CEP170: variants seen among roughly 807,000 people sequenced by gnomAD.
CEP170 encodes centrosomal protein 170, also known as centrosomal protein of 170 kDa.
A neutral mutation model predicts 151.9 loss-of-function variants in CEP170; 21 were observed. The ratio of observed to expected loss-of-function variants is 0.14; its 90% confidence interval spans 0.10 to 0.20. The LOEUF (loss-of-function observed/expected upper bound fraction) is 0.20. Ranked by LOEUF, CEP170 falls within the 10% of genes least tolerant of loss-of-function variation. The pLI, the probability that CEP170 is intolerant of heterozygous loss-of-function variation, is 1.00. For synonymous variants in CEP170, 356 were observed against 648.8 expected, an observed-to-expected ratio of 0.55 and a Z score of 6.86; for missense variants, 964 against 1,892.9, an observed-to-expected ratio of 0.51 and a Z score of 9.11.
chr1:243,135,321 C>G (rs961902263), intron 17 of CEP170, among the ~76,000 whole-genome samples: 1 of 152,110 alleles, frequency 6.6e-6, no homozygotes, highest in Non-Finnish European at 1.5e-5. Context: ...ATTCTCCTGC[C>G]TCAGCCTCCC....
intron 1 of CEP170, among the ~76,000 whole-genome samples, chr1:243,244,991 T>C (rs1376849899): frequency 6.6e-6 from 1 of 152,076 alleles, no homozygotes; most frequent in Non-Finnish European, 1.5e-5. Flanking sequence ...TGGGTAAAAA[T>C]AACAAATTTA....
chr1:243,209,968 C>T (rs1429252448), intron 4 of CEP170, among the ~76,000 whole-genome samples: 2 of 152,214 alleles, frequency 1.3e-5, no homozygotes, highest in African/African-American at 2.4e-5. Flanking sequence ...GCTGGGATTA[C>T]AGGCATGAGC....
At chr1:243,146,253 G>A (rs1229429777) in intron 14 of CEP170, among the ~76,000 whole-genome samples, 3 of 152,064 alleles carry the variant, frequency 2.0e-5, no homozygotes, top group Admixed American at 6.6e-5. Context: ...TATGGTCAGC[G>A]ATTCATAAAA....
intron 1 of CEP170, among the ~76,000 whole-genome samples, chr1:243,251,410 A>G (rs3904685): frequency 0.31 from 47,909 of 152,128 alleles, 7,895 homozygotes; most frequent in South Asian, 0.54. Context: ...CAAAGGTTCA[A>G]TTATAGGCCC....
At chr1:243,248,642 G>A (rs1008953819) in intron 1 of CEP170, among the ~76,000 whole-genome samples, 3 of 152,046 alleles carry the variant, frequency 2.0e-5, no homozygotes, top group East Asian at 1.9e-4. Flanking sequence ...CACTACTGTC[G>A]CTCTAGTCTA....
At chr1:243,178,935 G>A (rs2059440040) in intron 10 of CEP170, among the ~76,000 whole-genome samples, 2 of 152,112 alleles carry the variant, frequency 1.3e-5, no homozygotes, top group East Asian at 1.9e-4. Flanking sequence ...AGCCAGGATG[G>A]TGTCAATCTC....
In CEP170 at chr1:243,185,447, T is replaced by C. The variant is rs2059883201; in HGVS notation, c.1566+332A>G. On this transcript the variant is annotated intron_variant, in intron 10 of 19. Coordinates refer to ENST00000366542, the MANE Select transcript of CEP170 (RefSeq NM_014812.3). This position sits in a 1 kb window ranked among gnomAD's most constrained non-coding sequence, Gnocchi z 4.9. Reference sequence around the variant, plus strand: ...CAGAGTTATAGCAATGTTTGTTGGTTGTTTCTTTTTATTTTTTAAGCAAAT... The same window carrying C: ...CAGAGTTATAGCAATGTTTGTTGGTCGTTTCTTTTTATTTTTTAAGCAAAT... 6.6e-6 allele frequency among the ~76,000 whole-genome samples: 1 copy of C among 152,220 alleles called. No homozygotes were observed. The highest frequency in any genetic ancestry group is 1.5e-5 in the Non-Finnish European group (1 of 68,026).
At chr1:243,202,302 G>A (rs2061097569) in intron 4 of CEP170, among the ~76,000 whole-genome samples, 1 of 152,196 alleles carries the variant, frequency 6.6e-6, no homozygotes, top group Admixed American at 6.5e-5. Flanking sequence ...AATCAGAAGT[G>A]GGGAAGCCGG....
At chr1:243,133,534 C>A (rs1325826432) in intron 17 of CEP170, among the ~76,000 whole-genome samples, 2 of 151,984 alleles carry the variant, frequency 1.3e-5, no homozygotes, top group Non-Finnish European at 2.9e-5. Context: ...AATGCTTGAG[C>A]CAAATCATGA....
intron 14 of CEP170, among the ~76,000 whole-genome samples, chr1:243,143,301 T>G (rs2056092644): frequency 6.6e-6 from 1 of 152,172 alleles, no homozygotes; most frequent in Non-Finnish European, 1.5e-5. Flanking sequence ...TGAGGTAGGA[T>G]TCATCTGACT....
At chr1:243,182,650 C>A (rs1195113384) in intron 10 of CEP170, among the ~76,000 whole-genome samples, 2 of 152,176 alleles carry the variant, frequency 1.3e-5, no homozygotes, top group African/African-American at 2.4e-5. Context: ...CGAGTCCAAT[C>A]TCATCTCTTC....
At chr1:243,240,633 A>ATT (rs71736622) in intron 1 of CEP170, among the ~76,000 whole-genome samples, 42 of 134,120 alleles carry the variant, frequency 3.1e-4, no homozygotes, top group African/African-American at 1.1e-3. Flanking sequence ...GGGTATCTGT[A>ATT]TTTTTTTTTT....
chr1:243,178,870 C>T (rs1558515809), intron 10 of CEP170, among the ~76,000 whole-genome samples: 1 of 151,986 alleles, frequency 6.6e-6, no homozygotes, highest in Non-Finnish European at 1.5e-5. Flanking sequence ...AGGCTCATGC[C>T]CCATGCCCTG....
chr1:243,139,911 C>T (rs550527496), intron 16 of CEP170, 26 bp downstream of exon 16: 1 of 1,603,936 alleles, frequency 6.2e-7, no homozygotes, highest in Non-Finnish European at 8.5e-7. Context: ...GCTTCTGCCA[C>T]ATGTTAAAAT....
At position 243,126,059 on chromosome 1, in the gene CEP170, A is replaced by G. The variant is rs1166419656; in HGVS notation, c.*390T>C. The stretch of plus-strand genomic sequence containing the variant: ...CTGTACAGATGAAGAAGTCCATTTC[A>G]GGGAGCAGCTTGGCACAGGAGACTT... On this transcript the variant is annotated 3_prime_UTR_variant, in exon 20 of 20. Transcript: ENST00000366542. 10 of 458,088 alleles carry G rather than the reference A, an allele frequency of 2.2e-5. No individual in the cohort carries two copies. The highest frequency in any genetic ancestry group is 1.6e-4 in the African/African-American group (8 of 50,162). 28.4% of individuals were successfully genotyped at this position (458,088 alleles called of 1,614,324 possible).
At chr1:243,210,209 G>GT (rs1413529331) in intron 4 of CEP170, among the ~76,000 whole-genome samples, 1 of 152,064 alleles carries the variant, frequency 6.6e-6, no homozygotes, top group Non-Finnish European at 1.5e-5. Flanking sequence ...AAAGCATGAG[G>GT]TTTTTTTCTC....
intron 10 of CEP170, chr1:243,174,968 A>G (rs1430496564): frequency 6.6e-6 from 1 of 152,250 alleles, no homozygotes; most frequent in Admixed American, 6.5e-5. Flanking sequence ...TTTTATAATT[A>G]CTAACAAAAA....
At chr1:243,220,516 T>C (rs975625865) in intron 3 of CEP170, among the ~76,000 whole-genome samples, 1 of 152,148 alleles carries the variant, frequency 6.6e-6, no homozygotes, top group African/African-American at 2.4e-5. Flanking sequence ...AGAATAAATA[T>C]AAAAGTCCTT....
chr1:243,142,732 T>A (rs756968019), intron 14 of CEP170, among the ~76,000 whole-genome samples: 1 of 152,226 alleles, frequency 6.6e-6, no homozygotes, highest in Non-Finnish European at 1.5e-5. Flanking sequence ...ACACACACTG[T>A]GTTAATGACT....
Sources: gnomAD v4.1 joint callset for allele counts (sites outside exome capture counted in the v4.1 genomes callset) on GRCh38, gnomAD v4.1.1 for gene constraint, Gnocchi (gnomAD v3.1) non-coding constraint, MANE v1.5 for transcripts, NCBI Gene and HGNC (gene_info 2026-07-23, HGNC 2026-07-21) for gene names.